Variants in PLCB1 observed in about 807,000 individuals in gnomAD.
The protein encoded by PLCB1 is 1-phosphatidylinositol 4,5-bisphosphate phosphodiesterase beta-1.
PLCB1 carries 46 observed loss-of-function variants against 161.8 expected under a neutral mutation model. The observed-to-expected ratio is 0.28, with a 90% CI of 0.22 to 0.36. The LOEUF is 0.36. PLCB1 is among the 10% of genes least tolerant of loss of function. The pLI, the probability that PLCB1 is intolerant of heterozygous loss-of-function variation, is 1.00. For synonymous variants in PLCB1, 517 were observed against 503.7 expected, an observed-to-expected ratio of 1.03 and a Z score of -0.35; for missense variants, 1,016 against 1,472.5, an observed-to-expected ratio of 0.69 and a Z score of 5.07.
At chr20:8,510,643 G>C (rs1001319003) in intron 3 of PLCB1, among the ~76,000 whole-genome samples, 1 of 151,878 alleles carries the variant, frequency 6.6e-6, no homozygotes, top group Non-Finnish European at 1.5e-5. Context: ...CGCCCGCCTC[G>C]GCCTCCCAAA....
At chr20:8,612,252 G>T (rs1298290572) in intron 3 of PLCB1, among the ~76,000 whole-genome samples, 1 of 152,148 alleles carries the variant, frequency 6.6e-6, no homozygotes, top group Non-Finnish European at 1.5e-5. Flanking sequence ...GTATGTTTAT[G>T]GTATTGGTAG....
At chr20:8,647,710 G>T (rs1482037864) in intron 5 of PLCB1, among the ~76,000 whole-genome samples, 190 bp from the exon 6 acceptor site, 1 of 152,104 alleles carries the variant, frequency 6.6e-6, no homozygotes, top group Non-Finnish European at 1.5e-5. Flanking sequence ...TTTGGGAAGG[G>T]CTTCTGGAAT....
chr20:8,330,424 G>T lies in PLCB1; in HGVS notation c.178-40958G>T, dbSNP rs529039992. On this transcript the variant is annotated intron_variant, in intron 2 of 31. Transcript: ENST00000338037. ...AGCTGCATTTTATAGCCGTAGAAGA[G>T]CCATGCTGCATTGATAAAATGTGCT... 2.6e-5 allele frequency among the ~76,000 whole-genome samples: 4 copies of T among 152,310 alleles called. No homozygotes were observed. The East Asian group carries it at 7.7e-4, about 29-fold the overall frequency.
intron 2 of PLCB1, among the ~76,000 whole-genome samples, chr20:8,302,676 A>G (rs1983962414): frequency 6.6e-6 from 1 of 152,164 alleles, no homozygotes; most frequent in African/African-American, 2.4e-5. Context: ...GCTTGTATAC[A>G]ATGTAAGTTA....
At chr20:8,508,501 T>C (rs1484252117) in intron 3 of PLCB1, among the ~76,000 whole-genome samples, 1 of 152,216 alleles carries the variant, frequency 6.6e-6, no homozygotes, top group Admixed American at 6.5e-5. Context: ...ATGGTAAAGA[T>C]GGCTGTACGT....
At chr20:8,258,084 G>A (rs1034359342) in intron 2 of PLCB1, among the ~76,000 whole-genome samples, 1 of 152,000 alleles carries the variant, frequency 6.6e-6, no homozygotes, top group African/African-American at 2.4e-5. Context: ...CATTCCACAT[G>A]TTTTTCTAAA....
chr20:8,317,674 C>G (rs1015860900), intron 2 of PLCB1, among the ~76,000 whole-genome samples: 10 of 152,164 alleles, frequency 6.6e-5, no homozygotes. Flanking sequence ...GCTCAACATC[C>G]AATCCAGATT....
chr20:8,150,203 A>G, intron 1 of PLCB1, 91 bp from the exon 2 acceptor site: 1 of 521,700 alleles, frequency 1.9e-6, no homozygotes, highest in East Asian at 3.1e-5. Flanking sequence ...ACTTTGGAGA[A>G]TCTGTACAAT....
chr20:8,454,879 C>T (rs1981230590), intron 3 of PLCB1, among the ~76,000 whole-genome samples: 1 of 152,058 alleles, frequency 6.6e-6, no homozygotes, highest in African/African-American at 2.4e-5. Context: ...ATGTATATTT[C>T]ATGCATTTTT....
intron 2 of PLCB1, among the ~76,000 whole-genome samples, chr20:8,248,236 A>G (rs1022765180): frequency 6.6e-6 from 1 of 151,924 alleles, no homozygotes; most frequent in Non-Finnish European, 1.5e-5. Context: ...GAGGCAAGGT[A>G]GCTTGGCTTT....
chr20:8,301,361 CA>C (rs1489849404), intron 2 of PLCB1, among the ~76,000 whole-genome samples: 2 of 152,120 alleles, frequency 1.3e-5, no homozygotes, highest in Non-Finnish European at 2.9e-5. Context: ...CAAGGGTTTT[CA>C]GGGGAATTTA....
chr20:8,575,003 TCTG>T (rs1403903226), intron 3 of PLCB1, among the ~76,000 whole-genome samples: 3 of 152,206 alleles, frequency 2.0e-5, no homozygotes, highest in Non-Finnish European at 2.9e-5. Context: ...CAAAGCTCCC[TCTG>T]TACTTGTTTC....
In PLCB1 at chr20:8,717,738, A is replaced by G. The variant is rs1979401178; in HGVS notation, c.1403A>G (p.Lys468Arg). 6.2e-7 allele frequency: 1 copy of G among 1,613,732 alleles called. No homozygotes were observed. The highest frequency in any genetic ancestry group is 1.7e-5 in the Admixed American group (1 of 59,966). ...TATAAAATTTTGGTGAAAAATAAGA[A>G]GAAATCACACAAGTCATCAGAAGGA... ...LMYKILVKNKKKSHKSSEGSG... is the reference protein window; with the variant it reads ...LMYKILVKNKRKSHKSSEGSG... The change falls in exon 14 of 32, where the codon AAG becomes AGG. Residue 468 changes from lysine to arginine, a missense_variant. Physicochemically the swap from Lys to Arg is conservative, Grantham distance 26. Coordinates refer to ENST00000338037, the MANE Select transcript of PLCB1 (RefSeq NM_015192.4).
intron 3 of PLCB1, among the ~76,000 whole-genome samples, chr20:8,471,585 GA>G (rs994886004): frequency 6.6e-6 from 1 of 152,074 alleles, no homozygotes; most frequent in Non-Finnish European, 1.5e-5. Flanking sequence ...AACAGAAATA[GA>G]AAAAAACCTG....
intron 3 of PLCB1, among the ~76,000 whole-genome samples, chr20:8,585,575 T>C (rs1986965206): frequency 6.6e-6 from 1 of 152,226 alleles, no homozygotes; most frequent in Non-Finnish European, 1.5e-5. Context: ...TTTGATCACG[T>C]TATTAACTCT....
At chr20:8,833,388 C>T (rs1986108397) in intron 31 of PLCB1, among the ~76,000 whole-genome samples, 2 of 152,144 alleles carry the variant, frequency 1.3e-5, no homozygotes, top group South Asian at 4.1e-4. Context: ...CAGGAAAAAC[C>T]CACCTCCATG....
intron 2 of PLCB1, among the ~76,000 whole-genome samples, chr20:8,209,811 A>C (rs1397042386): frequency 2.0e-5 from 3 of 152,164 alleles, no homozygotes; most frequent in African/African-American, 7.2e-5. Context: ...ACAAGTGTTC[A>C]TCCCAGCCCT....
intron 2 of PLCB1, among the ~76,000 whole-genome samples, chr20:8,320,646 C>A (rs1465610390): frequency 6.6e-6 from 1 of 152,106 alleles, no homozygotes; most frequent in East Asian, 1.9e-4. Flanking sequence ...CATGTTGTTC[C>A]ATGGGTGTTT....
chr20:8,211,582 T>A (rs58911268), intron 2 of PLCB1, among the ~76,000 whole-genome samples: 4,207 of 152,218 alleles, frequency 0.028, 207 homozygotes, highest in African/African-American at 0.092. Flanking sequence ...TTGGTCTATA[T>A]AAATCTTCAG....
Sources: allele counts gnomAD v4.1 joint callset (sites outside exome capture counted in the v4.1 genomes callset), GRCh38; gene constraint gnomAD v4.1.1; transcripts MANE v1.5; gene names NCBI Gene and HGNC (gene_info 2026-07-23, HGNC 2026-07-21).